DMXL2: variants seen among roughly 807,000 people sequenced by gnomAD.
DMXL2 encodes dmX-like protein 2.
In DMXL2, 103 loss-of-function variants were observed where a neutral mutation model predicts 331.1. The ratio of observed to expected loss-of-function variants is 0.31; its 90% CI spans 0.27 to 0.37. The LOEUF is 0.37. DMXL2 is among the 10% of genes least tolerant of loss of function. DMXL2 has a pLI of 1.00. For missense variants in DMXL2, 3,171 were observed against 3,642.9 expected (o/e 0.87, Z 3.33); for synonymous variants, 1,281 against 1,252.1 (o/e 1.02, Z -0.49).
chr15:51,499,375 A>G lies in DMXL2; in HGVS notation c.3849T>C (p.Thr1283=). The G allele has an allele frequency of 6.2e-7, 1 of 1,613,926 alleles. No homozygotes were observed. Among genetic ancestry groups the G allele is most frequent in the Non-Finnish European group, 8.5e-7 (1 of 1,179,978 alleles). The part of the protein sequence containing the change: ...QWKHAVKFGD[T]EADSSNAEEA... ...CTTCTGCATTAGAACTATCAGCTTC[A>G]GTGTCTCCAAATTTGACAGCATGCT... The change falls in exon 18 of 44, where the codon ACT becomes ACC. Residue 1283 remains threonine, a synonymous_variant. Transcript: ENST00000560891.
intron 22 of DMXL2, 47 bp from the exon 23 acceptor site, chr15:51,486,384 T>C (rs2042397057): frequency 7.3e-7 from 1 of 1,362,962 alleles, no homozygotes; most frequent in Non-Finnish European, 1.0e-6. Flanking sequence ...GATAATTATT[T>C]AGAGAGATGA....
intron 2 of DMXL2, among the ~76,000 whole-genome samples, chr15:51,571,987 T>G (rs561569381): frequency 6.6e-6 from 1 of 152,134 alleles, no homozygotes; most frequent in South Asian, 2.1e-4. Context: ...AAAAAATCAA[T>G]GAATCCAGGA....
intron 1 of DMXL2, among the ~76,000 whole-genome samples, chr15:51,612,047 T>TA (rs1428510214): frequency 6.6e-6 from 1 of 152,182 alleles, no homozygotes; most frequent in Non-Finnish European, 1.5e-5. Context: ...ATGCCATCTT[T>TA]AAGAGCTGTA....
In DMXL2 at chr15:51,499,368, C is replaced by A; in HGVS notation, c.3856G>T (p.Asp1286Tyr). The A allele has an allele frequency of 6.2e-7, 1 of 1,613,876 alleles. No homozygotes were observed. The highest frequency in any genetic ancestry group is 1.6e-4 in the Middle Eastern group (1 of 6,062). ...GCTGCCTCTTCTGCATTAGAACTAT[C>A]AGCTTCAGTGTCTCCAAATTTGACA... ...HAVKFGDTEA[D>Y]SSNAEEAAMQ... Residue 1286 changes from aspartate (D) to tyrosine (Y), a missense_variant, in exon 18 of 44, where the codon GAT becomes TAT. Coordinates refer to ENST00000560891, the MANE Select transcript of DMXL2 (RefSeq NM_001378457.1).
At chr15:51,506,542 C>T (rs190257043) in intron 16 of DMXL2, among the ~76,000 whole-genome samples, 1,739 of 151,448 alleles carry the variant, frequency 0.011, 26 homozygotes, top group East Asian at 0.024. Context: ...CAACCTCTGC[C>T]TCCCGGGTTC....
In DMXL2 at chr15:51,457,324, A is replaced by G; in HGVS notation, c.8337+4T>C. On this transcript the variant is annotated splice_donor_region_variant and intron_variant, in intron 37 of 43. Coordinates refer to ENST00000560891, the MANE Select transcript of DMXL2 (RefSeq NM_001378457.1). ...GAAATGATACCTATAAGTAAATAAC[A>G]TACCACACTAGCTCCAGTGCTAGTC... 2 of 1,612,490 alleles carry G rather than the reference A, an allele frequency of 1.2e-6. No individual in the cohort carries two copies. The highest frequency in any genetic ancestry group is 1.7e-6 in the Non-Finnish European group (2 of 1,179,552).
chr15:51,599,016 G>A (rs1163883414), intron 1 of DMXL2, among the ~76,000 whole-genome samples: 11 of 152,138 alleles, frequency 7.2e-5, no homozygotes, highest in South Asian at 2.1e-4. Flanking sequence ...AAAGAAGAGC[G>A]TTCCTTATTT....
chr15:51,580,721 C>T (rs1015401232), intron 1 of DMXL2, among the ~76,000 whole-genome samples: 2 of 151,672 alleles, frequency 1.3e-5, no homozygotes, highest in Admixed American at 1.3e-4. Flanking sequence ...TAAACTGTTT[C>T]TCTGATGATA....
Position 51,450,201 on chromosome 15 carries a change from T to G in DMXL2, c.8895A>C (p.Ser2965=). 1.2e-6 allele frequency: 2 copies of G among 1,614,140 alleles called. No homozygotes were observed. The highest frequency in any genetic ancestry group is 1.7e-6 in the Non-Finnish European group (2 of 1,180,016). The change falls in exon 43 of 44, where the codon TCA becomes TCC. Residue 2965 remains serine (S), a synonymous_variant. Transcript: ENST00000560891. ...GATCCAAGGCCAGAGCCTTAATAGC[T>G]GAGTCATGGGCCTGGAACGTGTGAA... ...QLIHTFQAHD[S]AIKALALDPY...
intron 33 of DMXL2, among the ~76,000 whole-genome samples, chr15:51,462,411 C>T (rs979733190): frequency 6.6e-6 from 1 of 152,182 alleles, no homozygotes. Flanking sequence ...TCTTGGCTTA[C>T]TGCAACCTCT....
rs2053341978 is a variant in DMXL2 at position 51,603,076 on chromosome 15, GA to G, written c.87+19382del. On this transcript the variant is annotated intron_variant, in intron 1 of 43. Coordinates refer to ENST00000560891, the MANE Select transcript of DMXL2 (RefSeq NM_001378457.1). ...CATAGGTTTCCATCTTAATCAATTAGAAAAAGAAGAGTAAAACAATTCCAAA... is the reference window on the plus strand; with the variant it reads ...CATAGGTTTCCATCTTAATCAATTAGAAAAGAAGAGTAAAACAATTCCAAA... Among the ~76,000 whole-genome samples, 3 of 151,946 alleles carry G rather than the reference GA, an allele frequency of 2.0e-5. No homozygotes were observed. The South Asian group carries it at 6.2e-4, about 31-fold the overall frequency.
rs146484308 is a variant in DMXL2 at position 51,568,609 on chromosome 15, A to G, written c.214-51T>C. The G allele has an allele frequency of 7.6e-6, 9 of 1,178,496 alleles. No individual in the cohort carries two copies. The South Asian group carries it at 8.5e-5, about 11-fold the overall frequency. The allele number at this position is 1,178,496 out of a possible 1,614,324, so 73.0% of individuals were successfully genotyped here. A position where few individuals can be genotyped will look rare whatever the true frequency, so the allele number is the denominator to read the frequency against. On this transcript the variant is annotated intron_variant, in intron 2 of 43. Transcript: ENST00000560891. ...ATATCTAGAAAAGGGTAAAATAAAG[A>G]TATCTTCCTTTTCATAATAATGTAT...
intron 1 of DMXL2, among the ~76,000 whole-genome samples, chr15:51,605,866 A>G (rs910106393): frequency 1.3e-5 from 2 of 151,614 alleles, no homozygotes; most frequent in African/African-American, 4.8e-5. Flanking sequence ...CTTAATGAAC[A>G]TAGATGTAAA....
intron 7 of DMXL2, among the ~76,000 whole-genome samples, 158 bp from the exon 8 acceptor site, chr15:51,545,924 G>C (rs1285588962): frequency 6.6e-6 from 1 of 152,074 alleles, no homozygotes; most frequent in Non-Finnish European, 1.5e-5. Flanking sequence ...GCATCACTGT[G>C]AACATCATAA....
chr15:51,518,158 C>T (rs958013812), intron 13 of DMXL2, among the ~76,000 whole-genome samples: 4 of 151,996 alleles, frequency 2.6e-5, no homozygotes, highest in African/African-American at 9.7e-5. Flanking sequence ...CATGGTGAAA[C>T]CCCGTCTCTA....
At chr15:51,481,715 AAAC>A in intron 23 of DMXL2, 92 bp from the exon 24 acceptor site, 2 of 1,234,078 alleles carry the variant, frequency 1.6e-6, no homozygotes, top group African/African-American at 1.5e-5. Context: ...TTCTTCAAAA[AAAC>A]AACATGTAAA....
At chr15:51,508,706 G>A (rs952062277) in intron 15 of DMXL2, among the ~76,000 whole-genome samples, 2 of 152,156 alleles carry the variant, frequency 1.3e-5, no homozygotes, top group Non-Finnish European at 2.9e-5. Flanking sequence ...GATAACCAGC[G>A]CGCAGACTCC....
chr15:51,591,756 A>G (rs927920671), intron 1 of DMXL2, among the ~76,000 whole-genome samples: 1 of 152,134 alleles, frequency 6.6e-6, no homozygotes, highest in South Asian at 2.1e-4. Flanking sequence ...TCCGCTGTTC[A>G]CCAATATCCG....
chr15:51,468,599 C>T (rs1001748922), intron 29 of DMXL2, among the ~76,000 whole-genome samples: 3 of 152,058 alleles, frequency 2.0e-5, no homozygotes, highest in Non-Finnish European at 2.9e-5. Context: ...CCTGTCTTTC[C>T]GACTCAAAAT....
Sources: gnomAD v4.1 joint callset for allele counts (sites outside exome capture counted in the v4.1 genomes callset) on GRCh38, gnomAD v4.1.1 for gene constraint, MANE v1.5 for transcripts, NCBI Gene and HGNC (gene_info 2026-07-23, HGNC 2026-07-21) for gene names.